The following MBNL1 variants were observed in gnomAD, a reference collection of about 807,000 sequenced individuals.
The protein encoded by MBNL1 is muscleblind like splicing regulator 1, also known as muscleblind-like protein 1.
A neutral mutation model predicts 42.2 loss-of-function variants in MBNL1; 8 were observed. That is an observed-to-expected ratio of 0.19 (90% confidence interval 0.11 to 0.34). The LOEUF (loss-of-function observed/expected upper bound fraction) is 0.34. Ranked by LOEUF, MBNL1 falls within the 10% of genes least tolerant of loss-of-function variation. The pLI is 1.00. For synonymous variants in MBNL1, 169 were observed against 173.9 expected (o/e 0.97, Z 0.22); for missense variants, 309 against 495.3 (o/e 0.62, Z 3.57).
At chr3:152,293,063 G>A (rs2056885978) in intron 1 of MBNL1, among the ~76,000 whole-genome samples, 3 of 152,128 alleles carry the variant, frequency 2.0e-5, no homozygotes, top group Admixed American at 6.5e-5. Flanking sequence ...CACGGTGCCC[G>A]GCCCTTTAAA....
At chr3:152,294,314 C>T (rs1251069056) in intron 1 of MBNL1, among the ~76,000 whole-genome samples, 4 of 140,498 alleles carry the variant, frequency 2.8e-5, no homozygotes, top group South Asian at 2.2e-4. Context: ...GGCAGAGTCT[C>T]GCTCGGTCAC....
At chr3:152,438,959 G>A (rs1442858068) in intron 4 of MBNL1, among the ~76,000 whole-genome samples, 1 of 152,110 alleles carries the variant, frequency 6.6e-6, no homozygotes, top group Non-Finnish European at 1.5e-5. Flanking sequence ...AGACACTGAT[G>A]AAAACATTAG....
At chr3:152,306,565 A>G (rs2063259251) in intron 2 of MBNL1, among the ~76,000 whole-genome samples, 3 of 152,132 alleles carry the variant, frequency 2.0e-5, no homozygotes, top group African/African-American at 7.2e-5. Context: ...TTATTGACTG[A>G]TTTTGGTAGC....
chr3:152,294,467 G>T (rs1371511249), intron 1 of MBNL1, among the ~76,000 whole-genome samples: 2 of 151,834 alleles, frequency 1.3e-5, no homozygotes, highest in Non-Finnish European at 2.9e-5. Flanking sequence ...GTATTTTTTA[G>T]TAGAGATGGG....
At chr3:152,461,864 A>G (rs1020780803) in intron 9 of MBNL1, among the ~76,000 whole-genome samples, 10 of 152,178 alleles carry the variant, frequency 6.6e-5, no homozygotes, top group African/African-American at 2.4e-4. Flanking sequence ...TTTAGGTGAA[A>G]AAAGTTCAAC....
chr3:152,387,318 ATTGCAGT>A (rs1447593374), intron 2 of MBNL1, among the ~76,000 whole-genome samples: 1 of 150,622 alleles, frequency 6.6e-6, no homozygotes, highest in African/African-American at 2.4e-5. Context: ...ACAAGACAGT[ATTGCAGT>A]TTGTGTTGAA....
intron 2 of MBNL1, among the ~76,000 whole-genome samples, chr3:152,406,312 A>C (rs1475738729): frequency 6.6e-6 from 1 of 152,150 alleles, no homozygotes; most frequent in Admixed American, 6.5e-5. Context: ...ATCACAAGCA[A>C]CTCTAAATAG....
At chr3:152,396,878 G>A (rs2097974079) in intron 2 of MBNL1, among the ~76,000 whole-genome samples, 1 of 152,138 alleles carries the variant, frequency 6.6e-6, no homozygotes. Flanking sequence ...GAAATGGTCT[G>A]TATGAATTAA....
At chr3:152,443,639 C>T (rs2099176794) in intron 4 of MBNL1, among the ~76,000 whole-genome samples, 1 of 151,760 alleles carries the variant, frequency 6.6e-6, no homozygotes, top group Admixed American at 6.6e-5. Context: ...AATGTTCAGC[C>T]AGAGAGGAGG....
chr3:152,377,908 G>A (rs1178023433), intron 2 of MBNL1, among the ~76,000 whole-genome samples: 1 of 152,084 alleles, frequency 6.6e-6, no homozygotes, highest in Non-Finnish European at 1.5e-5. Context: ...AAAACCAATT[G>A]TTTTTCTCAT....
Position 152,447,785 on chromosome 3 carries a change from G to A in MBNL1, c.961+12G>A. On this transcript the variant is annotated intron_variant, in intron 6 of 9. Coordinates refer to ENST00000324210, the MANE Select transcript of MBNL1 (RefSeq NM_021038.5). Reference sequence around the variant, plus strand: ...ATTTCTCCCACCAGGTAAGGGGTGGGGTTTCTTAATAAATGAATCTGATGA... The same window carrying A: ...ATTTCTCCCACCAGGTAAGGGGTGGAGTTTCTTAATAAATGAATCTGATGA... 6.2e-7 allele frequency: 1 copy of A among 1,610,784 alleles called. No homozygotes were observed. The highest frequency in any genetic ancestry group is 1.1e-5 in the South Asian group (1 of 90,864).
At chr3:152,411,551 C>T (rs191571782) in intron 2 of MBNL1, among the ~76,000 whole-genome samples, 2 of 152,038 alleles carry the variant, frequency 1.3e-5, no homozygotes, top group Non-Finnish European at 2.9e-5. Context: ...AAACTGAAGA[C>T]ATATTTATAT....
chr3:152,338,355 G>A (rs1422574187), intron 2 of MBNL1: 1 of 985,212 alleles, frequency 1.0e-6, no homozygotes, highest in Non-Finnish European at 1.2e-6. Context: ...CAGAACCTTG[G>A]GTTCTGTGAT....
At chr3:152,288,560 A>G (rs992657087) in intron 1 of MBNL1, among the ~76,000 whole-genome samples, 2 of 152,190 alleles carry the variant, frequency 1.3e-5, no homozygotes, top group Non-Finnish European at 2.9e-5. Context: ...ATTTTCTGAC[A>G]TTTGTAGATA....
At chr3:152,265,253 C>T (rs2037001495), upstream of MBNL1, 1 of 152,204 alleles carries the variant, frequency 6.6e-6, no homozygotes, top group Admixed American at 6.5e-5. Context: ...TTAGGAAGCA[C>T]AGGACATGAG....
chr3:152,291,693 G>A (rs1457591580), intron 1 of MBNL1, among the ~76,000 whole-genome samples: 1 of 152,164 alleles, frequency 6.6e-6, no homozygotes, highest in Non-Finnish European at 1.5e-5. Context: ...TTGTGGCAAA[G>A]GCAAATGATA....
chr3:152,280,799 T>G (rs1335670093), intron 1 of MBNL1, among the ~76,000 whole-genome samples: 1 of 152,138 alleles, frequency 6.6e-6, no homozygotes, highest in Non-Finnish European at 1.5e-5. Context: ...AAGACCCCAT[T>G]CAGCTGTGAC....
intron 2 of MBNL1, among the ~76,000 whole-genome samples, chr3:152,404,450 T>C (rs990857627): frequency 3.3e-5 from 5 of 152,010 alleles, no homozygotes; most frequent in Admixed American, 1.3e-4. Context: ...ACTTTAGAGA[T>C]ACTTTACTTT....
At chr3:152,350,489 T>G (rs1366102649) in intron 2 of MBNL1, among the ~76,000 whole-genome samples, 2 of 152,078 alleles carry the variant, frequency 1.3e-5, no homozygotes, top group Admixed American at 1.3e-4. Flanking sequence ...CAGAAGAGGT[T>G]GTTGTAGAGC....
Sources: allele counts gnomAD v4.1 joint callset (sites outside exome capture counted in the v4.1 genomes callset), GRCh38; gene constraint gnomAD v4.1.1; transcripts MANE v1.5; gene names NCBI Gene and HGNC (gene_info 2026-07-23, HGNC 2026-07-21).